Variants in DMD observed in about 807,000 individuals in gnomAD.
DMD encodes dystrophin, also known as mutant dystrophin.
A neutral mutation model predicts 330.1 loss-of-function variants in DMD; 63 were observed. The observed-to-expected ratio is 0.19, with a 90% confidence interval of 0.16 to 0.24. The LOEUF (loss-of-function observed/expected upper bound fraction) is 0.24, where lower values mean the gene tolerates loss of function less well. Among genes scored for constraint, DMD ranks in the 10% least tolerant of loss-of-function variants. The pLI, the probability that DMD is intolerant of heterozygous loss-of-function variation, is 1.00. For missense variants in DMD, 3,344 were observed against 2,684.1 expected (o/e 1.25, Z -5.43); for synonymous variants, 1,223 against 959.8 (o/e 1.27, Z -5.07).
chrX:31,187,197 T>C (rs1457283310), intron 67 of DMD, among the ~76,000 whole-genome samples: 1 of 112,700 alleles, frequency 8.9e-6, no homozygotes, highest in Non-Finnish European at 1.9e-5. Context: ...ATTGGAACCG[T>C]GTCTGACACA....
At chrX:32,292,302 C>CTTTTTTTTGTTTTTTTTTTTTTTTTTTTT (rs2097474892) in intron 42 of DMD, among the ~76,000 whole-genome samples, 1 of 62,926 alleles carries the variant, frequency 1.6e-5, no homozygotes, top group Non-Finnish European at 2.7e-5. Flanking sequence ...AGGGAATATT[C>CTTTTTTTTGTTTTTTTTTTTTTTTTTTTT]TTTTTTTTTT....
At chrX:32,124,444 CT>C (rs2096651974) in intron 44 of DMD, among the ~76,000 whole-genome samples, 1 of 112,065 alleles carries the variant, frequency 8.9e-6, no homozygotes, top group African/African-American at 3.2e-5. Flanking sequence ...CAATTACTTT[CT>C]ACTGTTTAAA....
intron 12 of DMD, among the ~76,000 whole-genome samples, chrX:32,596,106 G>T (rs143921962): frequency 9.0e-6 from 1 of 110,675 alleles, no homozygotes; most frequent in Non-Finnish European, 1.9e-5. Context: ...GTTAAGAAAG[G>T]TACAGCAGGA....
chrX:31,325,446 C>CA (rs386416849), intron 61 of DMD, among the ~76,000 whole-genome samples: 15,030 of 50,946 alleles, frequency 0.3, 1,885 homozygotes, highest in Middle Eastern at 0.46. Context: ...CTAAAAATAC[C>CA]AAAAAAAAAA....
intron 60 of DMD, among the ~76,000 whole-genome samples, chrX:31,373,573 G>T (rs1473388682): frequency 1.9e-5 from 2 of 105,644 alleles, no homozygotes; most frequent in Non-Finnish European, 3.9e-5. Context: ...ATGGGGAAAG[G>T]ATTCCCTATT....
At chrX:32,315,675 G>T (rs1432075416) in intron 41 of DMD, among the ~76,000 whole-genome samples, 2 of 111,223 alleles carry the variant, frequency 1.8e-5, no homozygotes, top group South Asian at 3.8e-4. Flanking sequence ...AATGTAGGCA[G>T]CACACCATAC....
chrX:33,300,944 G>A lies in DMD; in HGVS notation c.7+38315C>T, dbSNP rs186122013. ...TAAAATATCAAAGATTTTTTAAGAT[G>A]TAGAACCAGTCGCGTTAGTATTGTG... On this transcript the variant is annotated intron_variant, in intron 1 of 17. Transcript: ENST00000288447. Among the ~76,000 whole-genome samples, 46 of 111,669 alleles carry A rather than the reference G, an allele frequency of 4.1e-4. No individual in the cohort carries two copies. In the Middle Eastern group the frequency reaches 0.023, roughly 56 times the overall value.
chrX:32,659,550 T>C (rs906346177), intron 9 of DMD, among the ~76,000 whole-genome samples: 5 of 111,057 alleles, frequency 4.5e-5, no homozygotes, highest in Non-Finnish European at 9.5e-5. Flanking sequence ...TGAGAGGTGA[T>C]GTAGCATCTC....
At chrX:32,899,427 G>A (rs980271065) in intron 2 of DMD, among the ~76,000 whole-genome samples, 1 of 110,727 alleles carries the variant, frequency 9.0e-6, no homozygotes, top group Non-Finnish European at 1.9e-5. Context: ...TGCAATCACA[G>A]CACTTTGGGA....
chrX:33,092,272 G>C (rs925328556), intron 1 of DMD, among the ~76,000 whole-genome samples: 3 of 111,871 alleles, frequency 2.7e-5, no homozygotes, highest in African/African-American at 9.7e-5. Flanking sequence ...TTTTTTAAAA[G>C]TTGTGCTTTA....
At chrX:32,807,233 G>T (rs750316109) in intron 7 of DMD, among the ~76,000 whole-genome samples, 9 of 92,759 alleles carry the variant, frequency 9.7e-5, no homozygotes, top group Admixed American at 6.0e-4. Flanking sequence ...AAATAGAGAA[G>T]AATCAAATAG....
intron 2 of DMD, among the ~76,000 whole-genome samples, chrX:32,910,321 A>G (rs192535063): frequency 7.1e-5 from 8 of 112,125 alleles, no homozygotes; most frequent in African/African-American, 2.6e-4. Context: ...GGTATGTCTA[A>G]CATAATATTT....
chrX:32,546,230 C>CT (rs1162603044), intron 16 of DMD, among the ~76,000 whole-genome samples: 4 of 105,436 alleles, frequency 3.8e-5, no homozygotes, highest in Non-Finnish European at 7.8e-5. Flanking sequence ...CACAGAGCTC[C>CT]TCTCATGACG....
chrX:31,630,487 C>T (rs62587325), intron 54 of DMD, among the ~76,000 whole-genome samples: 15,717 of 110,363 alleles, frequency 0.14, 1,077 homozygotes, highest in African/African-American at 0.23. Context: ...ACATTTCTCT[C>T]GGAATCTATG....
chrX:32,089,814 G>A (rs1414206260), intron 44 of DMD, among the ~76,000 whole-genome samples: 1 of 111,986 alleles, frequency 8.9e-6, no homozygotes, highest in Non-Finnish European at 1.9e-5. Flanking sequence ...GCCCAATAAT[G>A]GGATTGCTGG....
chrX:32,696,963 C>A (rs2063703877), intron 9 of DMD, among the ~76,000 whole-genome samples: 1 of 111,052 alleles, frequency 9.0e-6, no homozygotes, highest in Non-Finnish European at 1.9e-5. Context: ...AAATGCACAC[C>A]ACTATCTTAA....
intron 43 of DMD, among the ~76,000 whole-genome samples, chrX:32,283,957 C>T (rs1220723272): frequency 9.1e-6 from 1 of 110,012 alleles, no homozygotes; most frequent in African/African-American, 3.3e-5. Context: ...AATTTAGATA[C>T]TTTTTTTTTG....
At chrX:31,147,545 AAAAAAAAAG>A in intron 74 of DMD, 27 bp from the exon 75 acceptor site, 3 of 991,943 alleles carry the variant, frequency 3.0e-6, no homozygotes, top group Non-Finnish European at 4.0e-6. Flanking sequence ...AGTAAAAAAG[AAAAAAAAAG>A]AAAGAAAAAG....
intron 1 of DMD, among the ~76,000 whole-genome samples, chrX:33,138,968 T>C (rs1276565510): frequency 9.0e-6 from 1 of 111,415 alleles, no homozygotes; most frequent in Non-Finnish European, 1.9e-5. Flanking sequence ...TTCCTTAATG[T>C]GTTTCTCCAG....
Sources: gnomAD v4.1 joint callset for allele counts (sites outside exome capture counted in the v4.1 genomes callset) on GRCh38, gnomAD v4.1.1 for gene constraint, MANE v1.5 for transcripts, NCBI Gene and HGNC (gene_info 2026-07-23, HGNC 2026-07-21) for gene names.